Variants in GTF3C1 observed in about 807,000 individuals in gnomAD.
GTF3C1 encodes general transcription factor IIIC subunit 1, also known as general transcription factor 3C polypeptide 1.
In GTF3C1, 57 loss-of-function variants were observed where a neutral mutation model predicts 226.7. That is an observed-to-expected ratio of 0.25 (90% CI 0.20 to 0.31). GTF3C1 has a LOEUF of 0.31. Among genes scored for constraint, GTF3C1 ranks in the 10% least tolerant of loss-of-function variants. The pLI, the probability that GTF3C1 is intolerant of heterozygous loss-of-function variation, is 1.00. For missense variants in GTF3C1, 2,217 were observed against 2,776.1 expected, an observed-to-expected ratio of 0.80 and a Z score of 4.53; for synonymous variants, 1,090 against 1,084.8, an observed-to-expected ratio of 1.00 and a Z score of -0.09.
chr16:27,532,557 C>G (rs909263539), intron 5 of GTF3C1, among the ~76,000 whole-genome samples: 1 of 152,168 alleles, frequency 6.6e-6, no homozygotes, highest in African/African-American at 2.4e-5. Flanking sequence ...TTCTCCCTCT[C>G]GCGCTCCCTT....
chr16:27,538,276 A>C lies in GTF3C1; in HGVS notation c.512T>G (p.Leu171Arg). The C allele has an allele frequency of 6.2e-7, 1 of 1,610,012 alleles. No individual in the cohort carries two copies. Among genetic ancestry groups the C allele is most frequent in the Non-Finnish European group, 8.5e-7 (1 of 1,176,216 alleles). The change falls in exon 3 of 37, where the codon CTG becomes CGG. Residue 171 changes from leucine to arginine, a missense_variant. By Grantham distance (102) the Leu-to-Arg change is moderately radical. Transcript: ENST00000356183. ...ALIGQEGDPD[L>R]KLPDFSYCIL... ...GCAGTAGGAGAAGTCGGGCAGCTTC[A>C]GGTCGGGATCCCCCTCCTGGCCTAT... is the stretch of plus-strand genomic sequence containing the variant.
intron 14 of GTF3C1, 122 bp from the exon 15 acceptor site, chr16:27,495,614 ACTGT>A (rs1036145464): frequency 7.1e-6 from 6 of 849,856 alleles, no homozygotes; most frequent in African/African-American, 6.8e-5. Context: ...AAATATTCTT[ACTGT>A]CTTAGAGCTT....
At chr16:27,526,058 C>A (rs1358548335) in intron 6 of GTF3C1, among the ~76,000 whole-genome samples, 1 of 152,190 alleles carries the variant, frequency 6.6e-6, no homozygotes, top group African/African-American at 2.4e-5. Flanking sequence ...ATCAGGTGGG[C>A]TTCCATGAAC....
chr16:27,519,935 G>A lies in GTF3C1; in HGVS notation c.974-8034C>T, dbSNP rs117658292. 1.0e-2 allele frequency among the ~76,000 whole-genome samples: 1,517 copies of A among 152,144 alleles called. 18 individuals are homozygous for A. Among genetic ancestry groups the A allele is most frequent in the Non-Finnish European group, 0.015 (1,008 of 67,988 alleles). On this transcript the variant is annotated intron_variant, in intron 6 of 36. Transcript: ENST00000356183. ...TGGCATGGACAACAAGCAAGATCCC[G>A]TCTCTACAAAAAAAACAATTTTTTA...
In GTF3C1 at chr16:27,469,993, A is replaced by G. The variant is rs571542127; in HGVS notation, c.4814+115T>C. The G allele has an allele frequency of 5.3e-5, 43 of 815,826 alleles. No homozygotes were observed. In the African/African-American group the frequency reaches 6.2e-4, roughly 12 times the overall value. The allele number at this position is 815,826 out of a possible 1,614,324, so 50.5% of individuals were successfully genotyped here. A position where few individuals can be genotyped will look rare whatever the true frequency, so the allele number is the denominator to read the frequency against. On this transcript the variant is annotated intron_variant, in intron 31 of 36. Coordinates refer to ENST00000356183, the MANE Select transcript of GTF3C1 (RefSeq NM_001520.4). The surrounding 1 kb of genome is among the most constrained non-coding windows in gnomAD (Gnocchi z 4.5). ...ACCGGCCTATAATCCCCAGTCACTC[A>G]TCTGCAACTCCCATCCCACAAGCTC...
intron 33 of GTF3C1, 91 bp from the exon 34 acceptor site, chr16:27,464,927 G>C (rs1231598371): frequency 8.0e-6 from 9 of 1,122,260 alleles, no homozygotes; most frequent in Non-Finnish European, 1.1e-5. Context: ...TCCCCTGACT[G>C]GCGGGTTGAG....
At chr16:27,481,790 G>A (rs542721804) in intron 26 of GTF3C1, among the ~76,000 whole-genome samples, 1 of 152,310 alleles carries the variant, frequency 6.6e-6, no homozygotes, top group East Asian at 1.9e-4. Flanking sequence ...GTGCCTGCCA[G>A]CCCCACGGCT....
intron 7 of GTF3C1, among the ~76,000 whole-genome samples, chr16:27,509,337 T>A (rs905800006): frequency 3.9e-5 from 6 of 152,120 alleles, no homozygotes; most frequent in African/African-American, 1.2e-4. Flanking sequence ...TGCATCCTAC[T>A]AAGCTGGAAC....
chr16:27,522,089 T>C (rs2088758531), intron 6 of GTF3C1, among the ~76,000 whole-genome samples: 1 of 152,262 alleles, frequency 6.6e-6, no homozygotes, highest in African/African-American at 2.4e-5. Context: ...TTGGATATTA[T>C]TTACTTTTTA....
intron 5 of GTF3C1, among the ~76,000 whole-genome samples, chr16:27,532,883 C>T (rs1301985026): frequency 6.6e-6 from 1 of 152,164 alleles, no homozygotes; most frequent in Non-Finnish European, 1.5e-5. Flanking sequence ...CCTGTAATCC[C>T]AGCACTTTGG....
chr16:27,508,624 T>C lies in GTF3C1; in HGVS notation c.1158A>G (p.Gln386=). The change falls in exon 8 of 37, where the codon CAA becomes CAG. Residue 386 remains glutamine, a synonymous_variant. Transcript: ENST00000356183. ...IERRGTKGIS[Q]AEIRVAMNVG... ...CATTCATAGCCACTCGGATTTCAGC[T>C]TGGGAAATTCCTTTCGTGCCTCTGC... is the stretch of plus-strand genomic sequence containing the variant. 6.2e-7 allele frequency: 1 copy of C among 1,614,176 alleles called. No individual in the cohort carries two copies. Among genetic ancestry groups the C allele is most frequent in the East Asian group, 2.2e-5 (1 of 44,894 alleles).
In GTF3C1 at chr16:27,478,456, T is replaced by A. The variant is rs1203133308; in HGVS notation, c.4259+13A>T. On this transcript the variant is annotated intron_variant, in intron 28 of 36. Transcript: ENST00000356183. ...GCAGCTGAGGAAAAGCTACTCTATA[T>A]ATCAGTACTTACCTGTTAAGTTCAT... The A allele has an allele frequency of 1.9e-6, 3 of 1,549,050 alleles. No homozygotes were observed. The highest frequency in any genetic ancestry group is 2.7e-6 in the Non-Finnish European group (3 of 1,120,596).
chr16:27,516,821 C>T (rs997338948), intron 6 of GTF3C1, among the ~76,000 whole-genome samples: 2 of 152,196 alleles, frequency 1.3e-5, no homozygotes, highest in South Asian at 2.1e-4. Context: ...GTTGTAGAGA[C>T]GGGATCTTGC....
At chr16:27,505,763 G>A (rs866116251) in intron 10 of GTF3C1, 136 bp downstream of exon 10, 2 of 634,514 alleles carry the variant, frequency 3.2e-6, no homozygotes, top group Admixed American at 2.5e-5. Context: ...TACTGCCTGG[G>A]AAGCACAGGC....
At chr16:27,521,831 GCTTT>G (rs1037476655) in intron 6 of GTF3C1, among the ~76,000 whole-genome samples, 7 of 151,778 alleles carry the variant, frequency 4.6e-5, no homozygotes, top group Non-Finnish European at 8.8e-5. Flanking sequence ...ATCTTTTTCT[GCTTT>G]TTTTCTGTTC....
rs148200981 is a variant in GTF3C1 at position 27,549,879 on chromosome 16, C to G, written c.12G>C (p.Leu4=). 5.9e-5 allele frequency: 95 copies of G among 1,611,572 alleles called. 2 individuals are homozygous for G. The African/African-American group carries it at 9.9e-4, about 17-fold the overall frequency. The change falls in exon 1 of 37, where the codon CTG becomes CTC. Residue 4 remains leucine (L), a synonymous_variant. Transcript: ENST00000356183. ...GAGCGACTTCGTCCAACAACGACTCCAGCGCGTCCATTGCTACTTCAGTCG... is the reference window on the plus strand; with the variant it reads ...GAGCGACTTCGTCCAACAACGACTCGAGCGCGTCCATTGCTACTTCAGTCG... MDA[L]ESLLDEVALE... is the part of the protein sequence containing the mutation.
At position 27,490,251 on chromosome 16, in the gene GTF3C1, C is replaced by G. The variant is rs545190409; in HGVS notation, c.3152-508G>C. On this transcript the variant is annotated intron_variant, in intron 19 of 36. Transcript: ENST00000356183. Reference sequence around the variant, plus strand: ...AGCAGCCAGATGTCTCCTAAGTGCTCAAGAGGTTTGCTAATGGAGTTGAGA... The same window carrying G: ...AGCAGCCAGATGTCTCCTAAGTGCTGAAGAGGTTTGCTAATGGAGTTGAGA... Among the ~76,000 whole-genome samples, 12 of 152,338 alleles carry G rather than the reference C, an allele frequency of 7.9e-5. No individual in the cohort carries two copies. In the South Asian group the frequency reaches 2.5e-3, roughly 32 times the overall value.
rs1298202817 is a variant in GTF3C1, at chr16:27,460,628, T to G, written c.*722A>C. ...CAAAACAGAATGCATTTTACTTCCC[T>G]TTAATCAAAAAATAAATAAGTACAC... On this transcript the variant is annotated 3_prime_UTR_variant, in exon 37 of 37. Coordinates refer to ENST00000356183, the MANE Select transcript of GTF3C1 (RefSeq NM_001520.4). 4 of 151,964 alleles carry G rather than the reference T, an allele frequency of 2.6e-5. No homozygotes were observed. Among genetic ancestry groups the G allele is most frequent in the Non-Finnish European group, 5.9e-5 (4 of 68,004 alleles). 9.4% of individuals were successfully genotyped at this position (151,964 alleles called of 1,614,324 possible). A position where few individuals can be genotyped will look rare whatever the true frequency, so the allele number is the denominator to read the frequency against.
chr16:27,494,365 C>T (rs922036347), intron 16 of GTF3C1, among the ~76,000 whole-genome samples: 59 of 148,518 alleles, frequency 4.0e-4, no homozygotes, highest in Admixed American at 3.2e-3. Flanking sequence ...CGCGCCACTG[C>T]ACTCCAGCCT....
Sources: allele counts gnomAD v4.1 joint callset (sites outside exome capture counted in the v4.1 genomes callset), GRCh38; gene constraint gnomAD v4.1.1; non-coding constraint Gnocchi (gnomAD v3.1); transcripts MANE v1.5; gene names NCBI Gene and HGNC (gene_info 2026-07-23, HGNC 2026-07-21).